PCDHGB4: variants seen among roughly 807,000 people sequenced by gnomAD.
The protein encoded by PCDHGB4 is protocadherin gamma-B4.
Under a neutral mutation model 60.5 loss-of-function variants are expected in PCDHGB4, and 38 were observed. The observed-to-expected ratio is 0.63, with a 90% CI of 0.48 to 0.82. The LOEUF (loss-of-function observed/expected upper bound fraction) is 0.82. Among genes scored for constraint, PCDHGB4 ranks in the 40% least tolerant of loss-of-function variants. The probability of loss-of-function intolerance (pLI) is 0.00; values close to 1 mark genes in which losing one functional copy is unlikely to be tolerated. For missense variants in PCDHGB4, 1,109 were observed against 1,209.6 expected, an observed-to-expected ratio of 0.92 and a Z score of 1.23; for synonymous variants, 456 against 509.7, an observed-to-expected ratio of 0.89 and a Z score of 1.42.
intron 1 of PCDHGB4, chr5:141,410,439 G>C: frequency 6.2e-7 from 1 of 1,614,008 alleles, no homozygotes; most frequent in Non-Finnish European, 8.5e-7. Context: ...TACAGTGAGG[G>C]GACTTTGCCT....
chr5:141,478,013 C>G (rs768425714), intron 1 of PCDHGB4: 6 of 1,614,136 alleles, frequency 3.7e-6, no homozygotes. Flanking sequence ...TACTGCCCGT[C>G]CAGTCCAAGA....
chr5:141,393,934 A>G, intron 1 of PCDHGB4: 3 of 1,613,984 alleles, frequency 1.9e-6, no homozygotes, highest in Non-Finnish European at 2.5e-6. Context: ...GTGCATGACC[A>G]AGACTCTGGA....
At chr5:141,424,078 T>C in intron 1 of PCDHGB4, 1 of 975,828 alleles carries the variant, frequency 1.0e-6, no homozygotes, top group South Asian at 4.8e-5. Context: ...GTAGTTATAT[T>C]CCACCATTAT....
chr5:141,412,559 G>C (rs1408913988), intron 1 of PCDHGB4: 2 of 152,100 alleles, frequency 1.3e-5, no homozygotes, highest in African/African-American at 4.8e-5. Context: ...TATCTCATGA[G>C]TTTATTTAAT....
intron 1 of PCDHGB4, chr5:141,394,966 GC>G (rs1294759609): frequency 1.2e-6 from 2 of 1,613,886 alleles, no homozygotes; most frequent in Non-Finnish European, 1.7e-6. Context: ...AGGCTGAGGC[GC>G]TGGCACAAGT....
In PCDHGB4 at chr5:141,389,889, G is replaced by T. The variant is rs1190060148; in HGVS notation, c.2005G>T (p.Val669Leu). 1 of 1,614,086 alleles carries T rather than the reference G, an allele frequency of 6.2e-7. No individual in the cohort carries two copies. The highest frequency in any genetic ancestry group is 1.1e-5 in the South Asian group (1 of 91,084). Reference sequence around the variant, plus strand: ...GGTCTTCGCCGACAGCTTGCAGGAGGTGCTGCCGGATATCACTGACCGCCC... The same window carrying T: ...GGTCTTCGCCGACAGCTTGCAGGAGTTGCTGCCGGATATCACTGACCGCCC... ...HLVFADSLQEVLPDITDRPDP... is the reference protein window; with the variant it reads ...HLVFADSLQELLPDITDRPDP... Residue 669 changes from valine to leucine, a missense_variant, in exon 1 of 4, where the codon GTG becomes TTG. By Grantham distance (32) the Val-to-Leu change is conservative. Around this residue, in one of 2 missense-constraint regions of PCDHGB4, gnomAD observed 1,068 missense variants for 1,089.9 expected, o/e 0.98. Coordinates refer to ENST00000519479, the MANE Select transcript of PCDHGB4 (RefSeq NM_003736.4).
intron 1 of PCDHGB4, among the ~76,000 whole-genome samples, chr5:141,402,212 A>T (rs1282581389): frequency 6.6e-6 from 1 of 152,138 alleles, no homozygotes; most frequent in Non-Finnish European, 1.5e-5. Context: ...ACAAAAATTT[A>T]AAATAAACGT....
intron 1 of PCDHGB4, chr5:141,408,083 C>G (rs1045548793): frequency 3.5e-6 from 5 of 1,414,460 alleles, no homozygotes; most frequent in Non-Finnish European, 4.7e-6. Context: ...CCCAGCACAG[C>G]GGATTGCCAG....
At chr5:141,413,198 C>T in intron 1 of PCDHGB4, 5 of 1,611,416 alleles carry the variant, frequency 3.1e-6, no homozygotes, top group Non-Finnish European at 2.5e-6. Flanking sequence ...AGGAATCGCT[C>T]AAAGGAATCA....
intron 1 of PCDHGB4, among the ~76,000 whole-genome samples, chr5:141,446,686 C>T (rs574630887): frequency 1.3e-5 from 2 of 152,294 alleles, no homozygotes; most frequent in African/African-American, 4.8e-5. Context: ...CCATATTGGC[C>T]AGGCTGGTCT....
chr5:141,415,098 G>A, intron 1 of PCDHGB4: 5 of 1,613,586 alleles, frequency 3.1e-6, no homozygotes, highest in Non-Finnish European at 4.2e-6. Context: ...ACAGAGACGC[G>A]CTCAAGCAAA....
chr5:141,484,695 G>A (rs1371166304), intron 1 of PCDHGB4, among the ~76,000 whole-genome samples: 3 of 151,920 alleles, frequency 2.0e-5, no homozygotes, highest in Non-Finnish European at 4.4e-5. Context: ...TCAGGCTGTG[G>A]CTGTTTTCCC....
intron 1 of PCDHGB4, among the ~76,000 whole-genome samples, chr5:141,454,491 C>T (rs956727548): frequency 6.6e-6 from 1 of 152,194 alleles, no homozygotes; most frequent in South Asian, 2.1e-4. Context: ...ACCGCAACCT[C>T]CACCTCCTGG....
At chr5:141,400,514 A>T in intron 1 of PCDHGB4, 1 of 1,613,950 alleles carries the variant, frequency 6.2e-7, no homozygotes, top group South Asian at 1.1e-5. Context: ...TCGACTTCCC[A>T]TCCTGAGTTG....
intron 1 of PCDHGB4, chr5:141,430,850 A>T (rs1204872595): frequency 6.3e-7 from 1 of 1,582,670 alleles, no homozygotes; most frequent in South Asian, 1.2e-5. Context: ...ATGCACCCAG[A>T]TACGCTATTC....
chr5:141,448,915 A>T (rs2098616551), intron 1 of PCDHGB4, among the ~76,000 whole-genome samples: 1 of 152,238 alleles, frequency 6.6e-6, no homozygotes. Context: ...ACTGCACTCC[A>T]GCCTGGGCGA....
chr5:141,506,688 T>G (rs114532236), intron 3 of PCDHGB4, among the ~76,000 whole-genome samples: 2,113 of 152,334 alleles, frequency 0.014, 37 homozygotes, highest in African/African-American at 0.048. Flanking sequence ...TTATCTTTGC[T>G]GACCCAAACC....
chr5:141,415,408 G>T, intron 1 of PCDHGB4: 1 of 1,614,224 alleles, frequency 6.2e-7, no homozygotes, highest in Non-Finnish European at 8.5e-7. Context: ...CTCGCACTTT[G>T]TGGGCGTGGA....
chr5:141,393,400 T>A (rs1427213486), intron 1 of PCDHGB4: 5 of 1,614,024 alleles, frequency 3.1e-6, no homozygotes, highest in Non-Finnish European at 4.2e-6. Context: ...GAGCTGGTGC[T>A]GGAGCGCGCC....
Sources: allele counts gnomAD v4.1 joint callset (sites outside exome capture counted in the v4.1 genomes callset), GRCh38; gene constraint gnomAD v4.1.1; regional missense constraint gnomAD v4.1.1; transcripts MANE v1.5; gene names NCBI Gene and HGNC (gene_info 2026-07-23, HGNC 2026-07-21).